The following PTPRO variants were observed in gnomAD, a reference collection of about 807,000 sequenced individuals.
PTPRO encodes the protein receptor-type tyrosine-protein phosphatase O.
A neutral mutation model predicts 145.2 loss-of-function variants in PTPRO; 62 were observed. That is an observed-to-expected ratio of 0.43 (90% CI 0.35 to 0.53). PTPRO has a LOEUF of 0.53. PTPRO is among the 20% of genes least tolerant of loss of function. PTPRO has a pLI of 0.01. For synonymous variants in PTPRO, 565 were observed against 514.7 expected (o/e 1.10, Z -1.32); for missense variants, 1,345 against 1,482.7 (o/e 0.91, Z 1.53).
At chr12:15,508,014 C>T (rs557475835) in intron 6 of PTPRO, among the ~76,000 whole-genome samples, 58 of 152,282 alleles carry the variant, frequency 3.8e-4, no homozygotes, top group Middle Eastern at 6.8e-3. Context: ...GGTAAGGATC[C>T]TGTTGTGTTC....
intron 1 of PTPRO, among the ~76,000 whole-genome samples, chr12:15,479,192 C>T (rs1379948413): frequency 6.6e-6 from 1 of 152,150 alleles, no homozygotes; most frequent in Non-Finnish European, 1.5e-5. Flanking sequence ...CCGTCAGATA[C>T]TATCATCCCC....
At chr12:15,360,516 A>T (rs1938140326) in intron 1 of PTPRO, among the ~76,000 whole-genome samples, 1 of 152,120 alleles carries the variant, frequency 6.6e-6, no homozygotes, top group Admixed American at 6.6e-5. Flanking sequence ...AACAACAAAA[A>T]GCCAAGAATA....
chr12:15,438,234 C>T (rs1940655710), intron 1 of PTPRO, among the ~76,000 whole-genome samples: 1 of 151,912 alleles, frequency 6.6e-6, no homozygotes. Context: ...AAAAAAAATA[C>T]AAAAATTAGA....
intron 1 of PTPRO, among the ~76,000 whole-genome samples, chr12:15,450,373 C>G (rs1388262206): frequency 1.3e-5 from 2 of 152,186 alleles, no homozygotes; most frequent in Non-Finnish European, 1.5e-5. Flanking sequence ...TGGTTTCTAG[C>G]CCTTCATCCT....
intron 17 of PTPRO, among the ~76,000 whole-genome samples, chr12:15,564,214 T>G (rs1943843641): frequency 1.3e-5 from 2 of 152,124 alleles, no homozygotes; most frequent in Admixed American, 1.3e-4. Flanking sequence ...GGGAAGAAAT[T>G]AAAACTACCT....
At chr12:15,333,010 C>G (rs1866656756) in intron 1 of PTPRO, among the ~76,000 whole-genome samples, 1 of 152,190 alleles carries the variant, frequency 6.6e-6, no homozygotes, top group Non-Finnish European at 1.5e-5. Context: ...TTTACACCAG[C>G]CTGAGTTTTC....
intron 1 of PTPRO, among the ~76,000 whole-genome samples, chr12:15,396,922 G>A (rs1394273461): frequency 2.6e-5 from 4 of 152,262 alleles, no homozygotes; most frequent in Middle Eastern, 3.4e-3. Context: ...GCTCTTTCAG[G>A]AAGTGGCTAA....
intron 1 of PTPRO, among the ~76,000 whole-genome samples, chr12:15,477,292 A>C (rs1462482449): frequency 1.5e-5 from 2 of 130,626 alleles, no homozygotes; most frequent in Non-Finnish European, 3.2e-5. Context: ...ATAGGTGGGA[A>C]TTGAACAATG....
chr12:15,524,881 T>C lies in PTPRO; in HGVS notation c.1959T>C (p.Tyr653=), dbSNP rs773408106. ...FNSLLYISWT[Y]GDDTTDLSHS... is the part of the protein sequence containing the mutation. ...GTCTGTTATATATCAGTTGGACATA[T>C]GGGGATGATACAACGGACTTGTCCC... The change falls in exon 11 of 27, where the codon TAT becomes TAC. Residue 653 remains tyrosine, a synonymous_variant. Transcript: ENST00000281171. 1 of 1,613,386 alleles carries C rather than the reference T, an allele frequency of 6.2e-7. No homozygotes were observed. Among genetic ancestry groups the C allele is most frequent in the Non-Finnish European group, 8.5e-7 (1 of 1,179,318 alleles).
intron 1 of PTPRO, among the ~76,000 whole-genome samples, chr12:15,397,597 G>A (rs1370018095): frequency 6.6e-6 from 1 of 152,182 alleles, no homozygotes; most frequent in East Asian, 1.9e-4. Context: ...ACAACCCTCA[G>A]TGCTGGCCCG....
chr12:15,390,925 C>A (rs1294711089), intron 1 of PTPRO, among the ~76,000 whole-genome samples: 1 of 152,176 alleles, frequency 6.6e-6, no homozygotes, highest in Non-Finnish European at 1.5e-5. Context: ...CCATTCAGTT[C>A]CTGGTAAGGG....
chr12:15,583,580 T>G (rs769639226), intron 23 of PTPRO, among the ~76,000 whole-genome samples: 1 of 152,210 alleles, frequency 6.6e-6, no homozygotes, highest in Admixed American at 6.5e-5. Context: ...AATGTCCATA[T>G]ATAACATTTT....
chr12:15,583,613 T>C (rs1450683282), intron 23 of PTPRO, among the ~76,000 whole-genome samples: 1 of 152,236 alleles, frequency 6.6e-6, no homozygotes, highest in Admixed American at 6.5e-5. Flanking sequence ...CCTGCATTGT[T>C]GACGAATTGT....
chr12:15,514,674 T>G (rs1320255262), intron 7 of PTPRO, among the ~76,000 whole-genome samples: 1 of 152,090 alleles, frequency 6.6e-6, no homozygotes, highest in African/African-American at 2.4e-5. Flanking sequence ...TTGGCCATTC[T>G]CTGGCTTTAC....
chr12:15,376,816 A>G (rs1180023873), intron 1 of PTPRO, among the ~76,000 whole-genome samples: 3 of 152,140 alleles, frequency 2.0e-5, no homozygotes, highest in Non-Finnish European at 4.4e-5. Flanking sequence ...TCATAACCTA[A>G]TCACCTCCCA....
At chr12:15,560,535 C>T (rs1430421677) in intron 17 of PTPRO, among the ~76,000 whole-genome samples, 15 of 152,026 alleles carry the variant, frequency 9.9e-5, no homozygotes, top group Admixed American at 6.6e-5. Flanking sequence ...TTCATTGAGT[C>T]AATCCATTGG....
intron 1 of PTPRO, among the ~76,000 whole-genome samples, chr12:15,341,106 G>C (rs1335961390): frequency 6.6e-6 from 1 of 152,058 alleles, no homozygotes; most frequent in Admixed American, 6.5e-5. Context: ...TTAAGGTAAG[G>C]GTTTTGTTTG....
chr12:15,362,682 A>C (rs2136245870), intron 1 of PTPRO, among the ~76,000 whole-genome samples: 1 of 152,268 alleles, frequency 6.6e-6, no homozygotes, highest in African/African-American at 2.4e-5. Flanking sequence ...GGTCCAGTAA[A>C]ATATGAACCC....
chr12:15,341,459 T>C (rs1231332597), intron 1 of PTPRO, among the ~76,000 whole-genome samples: 3 of 152,132 alleles, frequency 2.0e-5, no homozygotes, highest in Non-Finnish European at 2.9e-5. Flanking sequence ...CTGAAAAAAA[T>C]AGAATAATTT....
Sources: allele counts gnomAD v4.1 joint callset (sites outside exome capture counted in the v4.1 genomes callset), GRCh38; gene constraint gnomAD v4.1.1; transcripts MANE v1.5; gene names NCBI Gene and HGNC (gene_info 2026-07-23, HGNC 2026-07-21).